MCTP1: variants seen among roughly 807,000 people sequenced by gnomAD.
The protein encoded by MCTP1 is multiple C2 and transmembrane domain-containing protein 1.
MCTP1 carries 69 observed loss-of-function variants against 120.6 expected under a neutral mutation model. The observed-to-expected ratio is 0.57, with a 90% CI of 0.47 to 0.70. The LOEUF is 0.70. Among genes scored for constraint, MCTP1 ranks in the 30% least tolerant of loss-of-function variants. The pLI, the probability that MCTP1 is intolerant of heterozygous loss-of-function variation, is 0.00. For missense variants in MCTP1, 1,203 were observed against 1,248.8 expected (o/e 0.96, Z 0.55); for synonymous variants, 529 against 493.1 (o/e 1.07, Z -0.96).
At chr5:94,717,608 T>C (rs1759803753) in intron 19 of MCTP1, among the ~76,000 whole-genome samples, 2 of 152,262 alleles carry the variant, frequency 1.3e-5, no homozygotes, top group South Asian at 4.1e-4. Context: ...GACATGATCC[T>C]ATATCTAGAA....
rs558713722 is a variant in MCTP1 at position 94,775,961 on chromosome 5, T to C, written c.2610+3149A>G. Among the ~76,000 whole-genome samples the C allele has an allele frequency of 4.6e-4, 65 of 141,768 alleles. No individual in the cohort carries two copies. In the South Asian group the frequency reaches 0.011, roughly 23 times the overall value. 93.0% of individuals were successfully genotyped at this position (141,768 alleles called of 152,430 possible). A position where few individuals can be genotyped will look rare whatever the true frequency, so the allele number is the denominator to read the frequency against. On this transcript the variant is annotated intron_variant, in intron 19 of 22. Transcript: ENST00000515393. The stretch of plus-strand genomic sequence containing the variant: ...TTAATATATATTATAGAAATATATT[T>C]ATATTATATATATATATATATTTAA...
intron 17 of MCTP1, among the ~76,000 whole-genome samples, chr5:94,841,179 C>A (rs111975450): frequency 6.6e-6 from 1 of 152,006 alleles, no homozygotes; most frequent in South Asian, 2.1e-4. Flanking sequence ...ACCCAGGGAA[C>A]GGAAACAGGA....
chr5:94,764,828 C>CAAAA (rs57246943), intron 19 of MCTP1, among the ~76,000 whole-genome samples: 6 of 90,968 alleles, frequency 6.6e-5, no homozygotes, highest in African/African-American at 2.0e-4. Flanking sequence ...TGACCTGGAC[C>CAAAA]AAAAAAAAAA....
intron 1 of MCTP1, among the ~76,000 whole-genome samples, chr5:95,211,493 A>T (rs1752369983): frequency 6.6e-6 from 1 of 151,988 alleles, no homozygotes; most frequent in African/African-American, 2.4e-5. Flanking sequence ...TGCATTCTTC[A>T]CATAGTTCTC....
rs930367436 is a variant in MCTP1 at position 94,715,979 on chromosome 5, T to C, written c.2611-1093A>G. Among the ~76,000 whole-genome samples, 15 of 152,260 alleles carry C rather than the reference T, an allele frequency of 9.9e-5. 1 individual carries two copies. The highest frequency in any genetic ancestry group is 3.4e-4 in the African/African-American group (14 of 41,474). On this transcript the variant is annotated intron_variant, in intron 19 of 22. Coordinates refer to ENST00000515393, the MANE Select transcript of MCTP1 (RefSeq NM_024717.7). Reference sequence around the variant, plus strand: ...AATGTCATGTTGCACATTTACATACTGACTTTCATTTCAGAAGAGTCTAAA... The same window carrying C: ...AATGTCATGTTGCACATTTACATACCGACTTTCATTTCAGAAGAGTCTAAA...
At chr5:94,760,758 C>T (rs1384516212) in intron 19 of MCTP1, among the ~76,000 whole-genome samples, 2 of 151,710 alleles carry the variant, frequency 1.3e-5, no homozygotes, top group South Asian at 2.1e-4. Flanking sequence ...GATCACAGCT[C>T]GCTGCAGCCT....
intron 1 of MCTP1, among the ~76,000 whole-genome samples, chr5:95,252,654 T>C (rs1377589572): frequency 4.6e-5 from 7 of 152,140 alleles, no homozygotes. Flanking sequence ...GGGTCTAGGA[T>C]CTACTTTCAC....
At chr5:95,042,453 G>A (rs1285788324) in intron 1 of MCTP1, among the ~76,000 whole-genome samples, 3 of 152,048 alleles carry the variant, frequency 2.0e-5, no homozygotes, top group Non-Finnish European at 2.9e-5. Context: ...GCAAAACAAC[G>A]GCGTTAACAA....
intron 17 of MCTP1, among the ~76,000 whole-genome samples, chr5:94,847,462 T>A (rs766973458): frequency 6.6e-6 from 1 of 152,036 alleles, no homozygotes; most frequent in Non-Finnish European, 1.5e-5. Context: ...AAGGTCAAAT[T>A]TCCGATGTTT....
chr5:94,804,429 GCTTTT>G (rs969856027), intron 17 of MCTP1, among the ~76,000 whole-genome samples: 118 of 152,170 alleles, frequency 7.8e-4, no homozygotes, highest in South Asian at 1.9e-3. Flanking sequence ...TTAATGTAAT[GCTTTT>G]CTTTTCTTTT....
At chr5:95,108,940 T>C (rs1757277519) in intron 1 of MCTP1, among the ~76,000 whole-genome samples, 2 of 152,238 alleles carry the variant, frequency 1.3e-5, no homozygotes, top group African/African-American at 4.8e-5. Context: ...ATTAAAATAA[T>C]GCTTACTATG....
intron 1 of MCTP1, among the ~76,000 whole-genome samples, chr5:95,278,736 G>A (rs1322186951): frequency 1.3e-5 from 2 of 151,916 alleles, no homozygotes; most frequent in African/African-American, 2.4e-5. Flanking sequence ...GCCGAGGTGA[G>A]CGGATCACCT....
chr5:94,821,382 T>C (rs1785610887), intron 17 of MCTP1, among the ~76,000 whole-genome samples: 2 of 152,330 alleles, frequency 1.3e-5, no homozygotes, highest in South Asian at 2.1e-4. Flanking sequence ...TTTCCCTTCA[T>C]CGACCTTCTG....
In MCTP1 at chr5:94,998,189, T is replaced by TA. The variant is rs896691973; in HGVS notation, c.838+19177dup. Among the ~76,000 whole-genome samples the TA allele has an allele frequency of 2.6e-5, 4 of 152,290 alleles. No individual in the cohort carries two copies. The South Asian group carries it at 6.2e-4, about 24-fold the overall frequency. ...TATTTTATGACCATGGTCAATTATT[T>TA]AAAAAAATAAGCAAACAGGAAGAAT... On this transcript the variant is annotated intron_variant, in intron 2 of 22. Coordinates refer to ENST00000515393, the MANE Select transcript of MCTP1 (RefSeq NM_024717.7).
At chr5:95,185,951 C>T (rs13179483) in intron 1 of MCTP1, among the ~76,000 whole-genome samples, 33,025 of 151,968 alleles carry the variant, frequency 0.22, 3,656 homozygotes, top group Non-Finnish European at 0.23. Flanking sequence ...GATCATGCCA[C>T]TGCACTCAAG....
intron 1 of MCTP1, among the ~76,000 whole-genome samples, chr5:95,078,485 G>A (rs1406292216): frequency 6.6e-6 from 1 of 152,100 alleles, no homozygotes; most frequent in Non-Finnish European, 1.5e-5. Context: ...CATATTTTGC[G>A]TTAATAAAAG....
intron 1 of MCTP1, among the ~76,000 whole-genome samples, chr5:95,078,875 GA>G (rs895771181): frequency 1.3e-5 from 2 of 152,048 alleles, no homozygotes; most frequent in Non-Finnish European, 2.9e-5. Flanking sequence ...GTTGCTGTAA[GA>G]AAAACAGATA....
chr5:94,934,197 GA>G (rs1815544604), intron 5 of MCTP1, among the ~76,000 whole-genome samples: 2 of 151,498 alleles, frequency 1.3e-5, no homozygotes, highest in Non-Finnish European at 3.0e-5. Flanking sequence ...AAATTAAAAA[GA>G]AAATTTAATA....
intron 17 of MCTP1, among the ~76,000 whole-genome samples, chr5:94,833,487 A>G (rs571810990): frequency 6.6e-5 from 10 of 152,340 alleles, no homozygotes; most frequent in South Asian, 6.2e-4. Flanking sequence ...AATTATTTGC[A>G]TAGTTTTAAT....
Sources: gnomAD v4.1 joint callset for allele counts (sites outside exome capture counted in the v4.1 genomes callset) on GRCh38, gnomAD v4.1.1 for gene constraint, MANE v1.5 for transcripts, NCBI Gene and HGNC (gene_info 2026-07-23, HGNC 2026-07-21) for gene names.